The following TMEM255B variants were observed in gnomAD, a reference collection of about 807,000 sequenced individuals.
TMEM255B encodes family with sequence similarity 70, member B.
In TMEM255B, 35 loss-of-function variants were observed where a neutral mutation model predicts 34.5. The observed-to-expected ratio is 1.01, with a 90% CI of 0.77 to 1.34. TMEM255B has a LOEUF of 1.34. TMEM255B is among the 40% of genes most tolerant of loss of function. The pLI, the probability that TMEM255B is intolerant of heterozygous loss-of-function variation, is 0.00. For missense variants in TMEM255B, 432 were observed against 433.2 expected, an observed-to-expected ratio of 1.00 and a Z score of 0.02; for synonymous variants, 206 against 201.2, an observed-to-expected ratio of 1.02 and a Z score of -0.20.
chr13:113,793,379 G>A (rs938848221), intron 3 of TMEM255B, among the ~76,000 whole-genome samples: 3 of 152,268 alleles, frequency 2.0e-5, no homozygotes, highest in Non-Finnish European at 4.4e-5. Context: ...CTGATCTGCT[G>A]TGGAGGAAAG....
In TMEM255B at chr13:113,806,038, CAT is replaced by C. The variant is rs1034240143; in HGVS notation, c.813+1011_813+1012del. Among the ~76,000 whole-genome samples the C allele has an allele frequency of 6.6e-6, 1 of 152,200 alleles. No individual in the cohort carries two copies. The highest frequency in any genetic ancestry group is 1.5e-5 in the Non-Finnish European group (1 of 68,036). On this transcript the variant is annotated intron_variant, in intron 8 of 8. Coordinates refer to ENST00000375353, the MANE Select transcript of TMEM255B (RefSeq NM_182614.4). The surrounding 1 kb of genome is among the most constrained non-coding windows in gnomAD (Gnocchi z 4.2). ...GGGAGTCGTGAGTTTTGAAGTCACA[CAT>C]GACACAGGTCTTCAGATATTCCACA...
At chr13:113,772,429 T>A (rs1594626629) in intron 3 of TMEM255B, among the ~76,000 whole-genome samples, 1 of 152,244 alleles carries the variant, frequency 6.6e-6, no homozygotes, top group Non-Finnish European at 1.5e-5. Flanking sequence ...ACATGAAGAT[T>A]TACCCCTAGA....
intron 8 of TMEM255B, 31 bp from the exon 9 acceptor site, chr13:113,811,705 G>A: frequency 1.2e-6 from 2 of 1,612,212 alleles, no homozygotes; most frequent in Non-Finnish European, 1.7e-6. Context: ...GGTCTCACCT[G>A]CTAACCCAGG....
In TMEM255B at chr13:113,769,098, C is replaced by T. The variant is rs1359274685; in HGVS notation, c.190C>T (p.Leu64Phe). ...TVGGYYPGII[L>F]GFGSFLGIIG... is the part of the protein sequence containing the mutation. ...TCTCTCGTTCTTCCTTTGGTTTTAG[C>T]TCGGCTTTGGATCTTTCTTAGGAAT... The change falls in exon 3 of 9, where the codon CTC (leucine) becomes TTC (phenylalanine). Residue 64 changes from leucine to phenylalanine, a missense_variant and splice_region_variant. Leu to Phe is a conservative substitution (Grantham distance 22). Transcript: ENST00000375353. The surrounding 1 kb of genome is among the most constrained non-coding windows in gnomAD (Gnocchi z 4.2). 6.2e-7 allele frequency: 1 copy of T among 1,614,138 alleles called. No individual in the cohort carries two copies. The highest frequency in any genetic ancestry group is 8.5e-7 in the Non-Finnish European group (1 of 1,180,006).
intron 2 of TMEM255B, chr13:113,768,764 C>A: frequency 2.2e-6 from 1 of 453,156 alleles, no homozygotes; most frequent in Non-Finnish European, 4.4e-6. Context: ...GAAGACGGGA[C>A]AGATGGTGGT....
In TMEM255B at chr13:113,779,567, G is replaced by A. The variant is rs2050635822; in HGVS notation, c.252+10407G>A. On this transcript the variant is annotated intron_variant, in intron 3 of 8. Coordinates refer to ENST00000375353, the MANE Select transcript of TMEM255B (RefSeq NM_182614.4). ...TCTCTGTTTTGGGGCCATAGAGGGA[G>A]CATCTGCTGATACATCTAGGAGTGG... 2.6e-5 allele frequency among the ~76,000 whole-genome samples: 4 copies of A among 151,892 alleles called. No homozygotes were observed. In the South Asian group the frequency reaches 8.3e-4, roughly 32 times the overall value.
Position 113,809,491 on chromosome 13 carries a change from G to T in TMEM255B, c.814-2245G>T, listed in dbSNP as rs571711776. 1.8e-3 allele frequency among the ~76,000 whole-genome samples: 155 copies of T among 87,774 alleles called. 1 individual carries two copies. The highest frequency in any genetic ancestry group is 7.5e-3 in the African/African-American group (151 of 20,040). The allele number at this position is 87,774 out of a possible 152,430, so 57.6% of individuals were successfully genotyped here. A position where few individuals can be genotyped will look rare whatever the true frequency, so the allele number is the denominator to read the frequency against. ...TCCTGGGGGTTTAACTCTGGTTCCTGGGGGTTTACTCTGTGGTTCCTGGGG... is the reference window on the plus strand; with the variant it reads ...TCCTGGGGGTTTAACTCTGGTTCCTTGGGGTTTACTCTGTGGTTCCTGGGG... On this transcript the variant is annotated intron_variant, in intron 8 of 8. Transcript: ENST00000375353.
intron 4 of TMEM255B, 106 bp from the exon 5 acceptor site, chr13:113,799,233 G>T: frequency 2.0e-6 from 2 of 1,014,246 alleles, no homozygotes; most frequent in South Asian, 1.4e-5. Context: ...TGTTGGCCTT[G>T]GTCCTTGAGG....
At chr13:113,784,482 C>T (rs1408052957) in intron 3 of TMEM255B, among the ~76,000 whole-genome samples, 1 of 151,542 alleles carries the variant, frequency 6.6e-6, no homozygotes, top group Admixed American at 6.6e-5. Context: ...AAAGCGCCTC[C>T]CAGACTGGAG....
chr13:113,809,188 A>C (rs1225224975), intron 8 of TMEM255B, among the ~76,000 whole-genome samples: 2 of 98,250 alleles, frequency 2.0e-5, no homozygotes, highest in Non-Finnish European at 4.0e-5. Context: ...CTGGATGTTT[A>C]CTCCATGGTC....
At chr13:113,774,148 G>T (rs1159447453) in intron 3 of TMEM255B, among the ~76,000 whole-genome samples, 1 of 145,004 alleles carries the variant, frequency 6.9e-6, no homozygotes, top group Non-Finnish European at 1.5e-5. Flanking sequence ...TTCCTATGTT[G>T]TTTAGAAGCA....
At chr13:113,799,200 T>C (rs994991406) in intron 4 of TMEM255B, 139 bp from the exon 5 acceptor site, 44 of 717,876 alleles carry the variant, frequency 6.1e-5, no homozygotes, top group Non-Finnish European at 1.1e-4. Flanking sequence ...TCTTGTGTTC[T>C]GTGTCTGGGA....
chr13:113,771,454 G>A (rs1281702552), intron 3 of TMEM255B, among the ~76,000 whole-genome samples: 4 of 152,150 alleles, frequency 2.6e-5, no homozygotes, highest in Non-Finnish European at 4.4e-5. Flanking sequence ...GGCCAAGGTG[G>A]GCGGATCACG....
chr13:113,779,795 A>G (rs2050639656), intron 3 of TMEM255B, among the ~76,000 whole-genome samples: 1 of 152,264 alleles, frequency 6.6e-6, no homozygotes, highest in Non-Finnish European at 1.5e-5. Context: ...AATTTAATCT[A>G]AACTGTAGAA....
In TMEM255B at chr13:113,801,691, T is replaced by C. The variant is rs1179037697; in HGVS notation, c.548T>C (p.Val183Ala). 6.2e-7 allele frequency: 1 copy of C among 1,611,376 alleles called. No individual in the cohort carries two copies. The highest frequency in any genetic ancestry group is 8.5e-7 in the Non-Finnish European group (1 of 1,179,242). Reference protein sequence around the residue: ...PSPAYYEFIGVSGCQDVLHLY... With the variant: ...PSPAYYEFIGASGCQDVLHLY... The stretch of plus-strand genomic sequence containing the variant: ...CCCGCCTACTATGAGTTCATCGGCG[T>C]CAGCGGCTGCCAGGACGTGCTGCAC... Residue 183 changes from valine to alanine, a missense_variant, in exon 7 of 9, where the codon GTC (valine) becomes GCC (alanine). Physicochemically the swap from Val to Ala is moderately conservative, Grantham distance 64. Coordinates refer to ENST00000375353, the MANE Select transcript of TMEM255B (RefSeq NM_182614.4).
chr13:113,798,696 AGGATGGATGGATACATGGAT>A (rs1180098216), intron 4 of TMEM255B, among the ~76,000 whole-genome samples: 1 of 149,214 alleles, frequency 6.7e-6, no homozygotes, highest in Non-Finnish European at 1.5e-5. Context: ...GATGGATGGA[AGGATGGATGGATACATGGAT>A]GGATGGATGG....
At chr13:113,763,016 A>G (rs893395797) in intron 1 of TMEM255B, among the ~76,000 whole-genome samples, 4 of 152,206 alleles carry the variant, frequency 2.6e-5, no homozygotes, top group African/African-American at 9.7e-5. Flanking sequence ...TAAACAGTCA[A>G]AAGATTGGAA....
At chr13:113,759,344 GCT>G (rs1305693671) in intron 1 of TMEM255B, 29 bp downstream of exon 1, 4 of 1,229,328 alleles carry the variant, frequency 3.3e-6, no homozygotes, top group Non-Finnish European at 1.0e-6. Flanking sequence ...GCTCGTCTCG[GCT>G]CCTGCGGGGG....
intron 5 of TMEM255B, among the ~76,000 whole-genome samples, chr13:113,800,301 CTGTGTGTGTGTGTGTGTGTGTGTGTG>C (rs1220505809): frequency 2.1e-5 from 2 of 97,052 alleles, no homozygotes; most frequent in Non-Finnish European, 3.9e-5. Context: ...GAGGCGTCCT[CTGTGTGTGTGTGTGTGTGTGTGTGTG>C]TGTGTGTGTG....
Sources: allele counts gnomAD v4.1 joint callset (sites outside exome capture counted in the v4.1 genomes callset), GRCh38; gene constraint gnomAD v4.1.1; non-coding constraint Gnocchi (gnomAD v3.1); transcripts MANE v1.5; gene names NCBI Gene and HGNC (gene_info 2026-07-23, HGNC 2026-07-21).